The following CRYBG3 variants were observed in gnomAD, a reference collection of about 807,000 sequenced individuals.
CRYBG3 encodes the protein very large A-kinase anchor protein.
CRYBG3 carries 127 observed loss-of-function variants against 244.2 expected under a neutral mutation model. The observed-to-expected ratio is 0.52, with a 90% CI of 0.45 to 0.60. The LOEUF (loss-of-function observed/expected upper bound fraction) is 0.60. Among genes scored for constraint, CRYBG3 ranks in the 20% least tolerant of loss-of-function variants. The pLI is 0.00. For synonymous variants in CRYBG3, 1,132 were observed against 1,195.8 expected (o/e 0.95, Z 1.10); for missense variants, 3,325 against 3,442.5 (o/e 0.97, Z 0.85).
intron 15 of CRYBG3, among the ~76,000 whole-genome samples, chr3:97,904,636 GTC>G (rs1222892771): frequency 6.6e-6 from 1 of 151,166 alleles, no homozygotes; most frequent in Non-Finnish European, 1.5e-5. Context: ...AAGACAACCT[GTC>G]TCTCTTCTCA....
rs750421447 is a variant in CRYBG3 at position 97,864,671 on chromosome 3, C to CA, written c.647+32dup. On this transcript the variant is annotated intron_variant, in intron 3 of 21. Transcript: ENST00000389622. ...AAGTAAGTTTAAAATTTCATTGAAC[C>CA]AAAAAAAATTGAGCTTTTTGGACCT... 117 of 1,475,384 alleles carry CA rather than the reference C, an allele frequency of 7.9e-5. No homozygotes were observed. The Middle Eastern group carries it at 8.8e-4, about 11-fold the overall frequency. The allele number at this position is 1,475,384 out of a possible 1,614,324, so 91.4% of individuals were successfully genotyped here.
chr3:97,837,862 C>T (rs974466296), intron 1 of CRYBG3, among the ~76,000 whole-genome samples: 1 of 152,026 alleles, frequency 6.6e-6, no homozygotes. Flanking sequence ...AAGTCTTTAC[C>T]ATTTCCAGAT....
chr3:97,879,031 G>T (rs1576540528), intron 4 of CRYBG3, among the ~76,000 whole-genome samples: 1 of 152,198 alleles, frequency 6.6e-6, no homozygotes, highest in East Asian at 1.9e-4. Context: ...AATACTCAAA[G>T]ACCAACCAAA....
At chr3:97,887,637 T>A (rs1294168603) in intron 8 of CRYBG3, among the ~76,000 whole-genome samples, 1 of 152,122 alleles carries the variant, frequency 6.6e-6, no homozygotes, top group Non-Finnish European at 1.5e-5. Flanking sequence ...ATTCCTGTAA[T>A]CCCAGTAACT....
rs746839557 is a variant in CRYBG3 at position 97,898,940 on chromosome 3, A to T, written c.7759A>T (p.Ile2587Phe). Reference protein sequence around the residue: ...FESDLESGKFIDITNQEISDL... With the variant: ...FESDLESGKFFDITNQEISDL... Reference sequence around the variant, plus strand: ...ATCTGACCTAGAAAGTGGGAAGTTTATTGACATTACAAATCAGGAAATTTC... The same window carrying T: ...ATCTGACCTAGAAAGTGGGAAGTTTTTTGACATTACAAATCAGGAAATTTC... The change falls in exon 13 of 22, where the codon ATT (isoleucine) becomes TTT (phenylalanine). Residue 2587 changes from isoleucine (I) to phenylalanine (F), a missense_variant. By Grantham distance (21) the Ile-to-Phe change is conservative. Around this residue, in one of 4 missense-constraint regions of CRYBG3, gnomAD observed 714 missense variants for 803.6 expected, o/e 0.89. Transcript: ENST00000389622. 9.9e-6 allele frequency: 16 copies of T among 1,610,548 alleles called. No individual in the cohort carries two copies. Among genetic ancestry groups the T allele is most frequent in the Non-Finnish European group, 1.4e-5 (16 of 1,177,564 alleles).
chr3:97,860,149 A>G (rs1302576647), intron 2 of CRYBG3, among the ~76,000 whole-genome samples: 1 of 152,172 alleles, frequency 6.6e-6, no homozygotes, highest in Admixed American at 6.5e-5. Flanking sequence ...GACTGAACAC[A>G]TGAATTCTTG....
In CRYBG3 at chr3:97,871,841, G is replaced by A. The variant is rs2039306103; in HGVS notation, c.648-1G>A. 6.7e-7 allele frequency: 1 copy of A among 1,482,072 alleles called. No individual in the cohort carries two copies. Among genetic ancestry groups the A allele is most frequent in the Non-Finnish European group, 8.9e-7 (1 of 1,126,488 alleles). The allele number at this position is 1,482,072 out of a possible 1,614,324, so 91.8% of individuals were successfully genotyped here. On this transcript the variant is annotated splice_acceptor_variant, in intron 3 of 21. Transcript: ENST00000389622. LOFTEE classifies it high-confidence loss of function. The stretch of plus-strand genomic sequence containing the variant: ...GATACTCTCATGCTTTCTTTTTACA[G>A]ACAAATCGATGGTAAACCAGAGAAG...
intron 2 of CRYBG3, among the ~76,000 whole-genome samples, chr3:97,847,647 A>G (rs1188614269): frequency 6.6e-6 from 1 of 152,232 alleles, no homozygotes; most frequent in African/African-American, 2.4e-5. Context: ...TCTGGACCGC[A>G]GGTTATAGAT....
chr3:97,908,402 C>G (rs969288220), intron 15 of CRYBG3, among the ~76,000 whole-genome samples: 2 of 152,090 alleles, frequency 1.3e-5, no homozygotes, highest in African/African-American at 2.4e-5. Flanking sequence ...TTAGGTCACT[C>G]AGGACTTGCT....
At chr3:97,903,491 T>C (rs980013704) in intron 15 of CRYBG3, among the ~76,000 whole-genome samples, 3 of 152,116 alleles carry the variant, frequency 2.0e-5, no homozygotes, top group African/African-American at 7.2e-5. Flanking sequence ...TGTGATGTAA[T>C]AGAAGAATGG....
In CRYBG3 at chr3:97,845,899, CT is replaced by C. The variant is rs201945819; in HGVS notation, c.216+2642del. The stretch of plus-strand genomic sequence containing the variant: ...GTCTGTTATTCTACATTACTCCTAC[CT>C]TTTACCTCAAAATTCCTTATGAAAG... On this transcript the variant is annotated intron_variant, in intron 2 of 21. Coordinates refer to ENST00000389622, the MANE Select transcript of CRYBG3 (RefSeq NM_153605.4). Among the ~76,000 whole-genome samples, 1,451 of 152,218 alleles carry C rather than the reference CT, an allele frequency of 9.5e-3. 21 individuals carry two copies. Among genetic ancestry groups the C allele is most frequent in the African/African-American group, 0.033 (1,366 of 41,538 alleles).
Position 97,943,578 on chromosome 3 carries a change from A to C in CRYBG3, c.*264A>C, listed in dbSNP as rs2040283286. 2.6e-6 allele frequency: 1 copy of C among 389,108 alleles called. No individual in the cohort carries two copies. Among genetic ancestry groups the C allele is most frequent in the Admixed American group, 4.9e-5 (1 of 20,212 alleles). The allele number at this position is 389,108 out of a possible 1,614,324, so 24.1% of individuals were successfully genotyped here. On this transcript the variant is annotated 3_prime_UTR_variant, in exon 22 of 22. Coordinates refer to ENST00000389622, the MANE Select transcript of CRYBG3 (RefSeq NM_153605.4). ...TCCTGATCTCCAGCTGTGGTGAGCAAGTTTCCTGAAGTGTTTATTTTCTCT... is the reference window on the plus strand; with the variant it reads ...TCCTGATCTCCAGCTGTGGTGAGCACGTTTCCTGAAGTGTTTATTTTCTCT...
At chr3:97,894,111 A>T (rs982315292) in intron 11 of CRYBG3, among the ~76,000 whole-genome samples, 1 of 152,158 alleles carries the variant, frequency 6.6e-6, no homozygotes, top group African/African-American at 2.4e-5. Context: ...TGGTTTGTGA[A>T]CACACATGTT....
Position 97,877,165 on chromosome 3 carries a change from C to T in CRYBG3, c.5971C>T (p.Gln1991Ter). The T allele has an allele frequency of 6.2e-7, 1 of 1,613,908 alleles. No individual in the cohort carries two copies. The highest frequency in any genetic ancestry group is 8.5e-7 in the Non-Finnish European group (1 of 1,179,870). The change falls in exon 4 of 22, where the codon CAA becomes TAA. Residue 1991 changes from glutamine to a stop codon, truncating the protein, a stop_gained. Transcript: ENST00000389622. LOFTEE classifies it high-confidence loss of function. ...AGGATATAATTTAGCTTTTGTTTCT[C>T]AAGATGAACAAGAAAATTCTTCCTT... is the stretch of plus-strand genomic sequence containing the variant. Reference protein sequence around the residue: ...DKGYNLAFVSQDEQENSSFTI... With the variant: ...DKGYNLAFVS
At chr3:97,870,387 A>C (rs1576534224) in intron 3 of CRYBG3, among the ~76,000 whole-genome samples, 1 of 152,258 alleles carries the variant, frequency 6.6e-6, no homozygotes, top group East Asian at 1.9e-4. Flanking sequence ...ATGTGAGAAC[A>C]TGTAGTATTT....
At chr3:97,871,544 C>T (rs2108212300) in intron 3 of CRYBG3, among the ~76,000 whole-genome samples, 1 of 152,216 alleles carries the variant, frequency 6.6e-6, no homozygotes, top group African/African-American at 2.4e-5. Context: ...AACTAGGACC[C>T]AAGGCTTGGA....
chr3:97,877,512 T>C lies in CRYBG3; in HGVS notation c.6318T>C (p.Gly2106=). Residue 2106 remains glycine (G), a synonymous_variant, in exon 4 of 22, where the codon GGT becomes GGC. Coordinates refer to ENST00000389622, the MANE Select transcript of CRYBG3 (RefSeq NM_153605.4). ...TTCTATCTAGTGAGGTTTCACCTGG[T>C]CACCATGGCCCCAGGAAATCAAGAG... ...EDILSSEVSP[G]HHGPRKSRDS... 6.2e-7 allele frequency: 1 copy of C among 1,614,148 alleles called. No individual in the cohort carries two copies. Among genetic ancestry groups the C allele is most frequent in the Non-Finnish European group, 8.5e-7 (1 of 1,180,014 alleles).
rs545704230 is a variant in CRYBG3, at chr3:97,834,415, T to C, written c.150-8780T>C. 1.4e-3 allele frequency among the ~76,000 whole-genome samples: 217 copies of C among 152,306 alleles called. 2 individuals are homozygous for C. Among genetic ancestry groups the C allele is most frequent in the Non-Finnish European group, 1.0e-3 (68 of 68,016 alleles). On this transcript the variant is annotated intron_variant, in intron 1 of 21. Coordinates refer to ENST00000389622, the MANE Select transcript of CRYBG3 (RefSeq NM_153605.4). ...TGTTTTATGTAATTTTTAGAAGATATAGTAGAAATTTTTACCTTTCATATT... is the reference window on the plus strand; with the variant it reads ...TGTTTTATGTAATTTTTAGAAGATACAGTAGAAATTTTTACCTTTCATATT...
intron 2 of CRYBG3, among the ~76,000 whole-genome samples, chr3:97,848,364 C>T (rs1019946812): frequency 5.3e-5 from 8 of 152,098 alleles, no homozygotes; most frequent in Non-Finnish European, 1.0e-4. Context: ...TGCAGTGGCG[C>T]GATCTCGGCT....
Sources: gnomAD v4.1 joint callset for allele counts (sites outside exome capture counted in the v4.1 genomes callset) on GRCh38, gnomAD v4.1.1 for gene constraint, gnomAD v4.1.1 regional missense constraint, MANE v1.5 for transcripts, NCBI Gene and HGNC (gene_info 2026-07-23, HGNC 2026-07-21) for gene names.